Variants in ELAVL2 observed in about 807,000 individuals in gnomAD.
The protein encoded by ELAVL2 is ELAV-like protein 2.
Under a neutral mutation model 34.6 loss-of-function variants are expected in ELAVL2, and 4 were observed. The observed-to-expected ratio is 0.12, with a 90% CI of 0.06 to 0.26. The LOEUF (loss-of-function observed/expected upper bound fraction) is 0.26. Ranked by LOEUF, ELAVL2 falls within the 10% of genes least tolerant of loss-of-function variation. The pLI is 1.00. For missense variants in ELAVL2, 432 were observed against 442.8 expected, an observed-to-expected ratio of 0.98 and a Z score of 0.22; for synonymous variants, 193 against 154.8, an observed-to-expected ratio of 1.25 and a Z score of -1.83.
intron 1 of ELAVL2, among the ~76,000 whole-genome samples, chr9:23,787,569 A>C (rs2059846991): frequency 6.7e-6 from 1 of 149,288 alleles, no homozygotes; most frequent in Non-Finnish European, 1.5e-5. Flanking sequence ...AGGCTTAAAA[A>C]AACAAAAAAA....
the ELAVL2 span, among the ~76,000 whole-genome samples, chr9:23,846,895 A>T: frequency 2.6e-5 from 4 of 151,872 alleles, no homozygotes; most frequent in Non-Finnish European, 1.5e-5. Context: ...TTTGATTGTC[A>T]TTTTGTTTGA....
At chr9:23,704,831 G>A (rs2038770830) in intron 4 of ELAVL2, 87 bp downstream of exon 4, 1 of 1,538,656 alleles carries the variant, frequency 6.5e-7, no homozygotes, top group Non-Finnish European at 8.8e-7. Context: ...TGTTCTAGAA[G>A]CAAGACTGCT....
At chr9:23,808,437 A>C (rs1216879318) in intron 1 of ELAVL2, among the ~76,000 whole-genome samples, 1 of 152,144 alleles carries the variant, frequency 6.6e-6, no homozygotes, top group African/African-American at 2.4e-5. Context: ...GAAAATCTGC[A>C]CAGGAAACCA....
At chr9:23,845,308 A>G in the ELAVL2 span, among the ~76,000 whole-genome samples, 1 of 151,818 alleles carries the variant, frequency 6.6e-6, no homozygotes, top group East Asian at 1.9e-4. Flanking sequence ...ATGGAAAGAA[A>G]AATTGTATAG....
intron 1 of ELAVL2, among the ~76,000 whole-genome samples, chr9:23,800,375 C>T (rs928060599): frequency 5.3e-5 from 8 of 152,154 alleles, no homozygotes; most frequent in Non-Finnish European, 7.3e-5. Flanking sequence ...GGCCTAAGTG[C>T]ACCCTTCACA....
At position 23,701,442 on chromosome 9, in the gene ELAVL2, T is replaced by C; in HGVS notation, c.650A>G (p.Gln217Arg). 6.2e-7 allele frequency: 1 copy of C among 1,614,124 alleles called. No individual in the cohort carries two copies. The highest frequency in any genetic ancestry group is 8.5e-7 in the Non-Finnish European group (1 of 1,180,006). Residue 217 changes from glutamine to arginine, a missense_variant, in exon 5 of 7, where the codon CAG becomes CGG. By Grantham distance (43) the Gln-to-Arg change is conservative (BLOSUM62 1). Around this residue, in one of 3 missense-constraint regions of ELAVL2, gnomAD observed 295 missense variants for 306.1 expected, o/e 0.96. Coordinates refer to ENST00000397312, the MANE Select transcript of ELAVL2 (RefSeq NM_004432.5). ...CCTTCTGTTTGGAGACTGGTACAGC[T>C]GGGAAAGGATGGCCTGATTGGTTTT... ...SQKTNQAILSQLYQSPNRRYP... is the reference protein window; with the variant it reads ...SQKTNQAILSRLYQSPNRRYP...
At position 23,701,538 on chromosome 9, in the gene ELAVL2, C is replaced by T. The variant is rs758305724; in HGVS notation, c.554G>A (p.Gly185Asp). The change falls in exon 5 of 7, where the codon GGC becomes GAC. Residue 185 changes from glycine to aspartate, a missense_variant. Physicochemically the swap from Gly to Asp is moderately conservative, Grantham distance 94. Around this residue, in one of 3 missense-constraint regions of ELAVL2, gnomAD observed 295 missense variants for 306.1 expected, o/e 0.96. Coordinates refer to ENST00000397312, the MANE Select transcript of ELAVL2 (RefSeq NM_004432.5). ...ACCGGGAGGTTTCTGGCCATTTAGG[C>T]CTTTGATAGCTTCTTCTGCCTCAAT... The part of the protein sequence containing the change: ...KRIEAEEAIK[G>D]LNGQKPPGAT... The T allele has an allele frequency of 1.9e-6, 3 of 1,614,050 alleles. No individual in the cohort carries two copies. The highest frequency in any genetic ancestry group is 1.1e-5 in the South Asian group (1 of 91,076).
At chr9:23,707,393 C>G (rs529967029) in intron 3 of ELAVL2, among the ~76,000 whole-genome samples, 5 of 152,102 alleles carry the variant, frequency 3.3e-5, no homozygotes, top group African/African-American at 1.2e-4. Flanking sequence ...GCTTTTTTTT[C>G]CACAGGAGGG....
At chr9:23,778,632 G>A (rs1309292145) in intron 1 of ELAVL2, among the ~76,000 whole-genome samples, 2 of 152,082 alleles carry the variant, frequency 1.3e-5, no homozygotes, top group East Asian at 3.9e-4. Context: ...TGTCAAATGT[G>A]CTAAAGAGTA....
At chr9:23,778,420 A>G (rs1219667514) in intron 1 of ELAVL2, among the ~76,000 whole-genome samples, 3 of 152,186 alleles carry the variant, frequency 2.0e-5, no homozygotes, top group Non-Finnish European at 2.9e-5. Context: ...AATTTCACCA[A>G]TGTAACAATT....
At chr9:23,815,448 T>A (rs1002197323) in intron 1 of ELAVL2, among the ~76,000 whole-genome samples, 1 of 152,086 alleles carries the variant, frequency 6.6e-6, no homozygotes, top group Non-Finnish European at 1.5e-5. Context: ...ATGGCAGAAA[T>A]AAACATATGA....
intron 1 of ELAVL2, among the ~76,000 whole-genome samples, chr9:23,798,121 C>T (rs1208248449): frequency 6.6e-6 from 1 of 152,138 alleles, no homozygotes; most frequent in African/African-American, 2.4e-5. Flanking sequence ...AACCTTCAGG[C>T]AGGATGACAG....
intron 1 of ELAVL2, among the ~76,000 whole-genome samples, chr9:23,764,511 T>C (rs1423032817): frequency 1.3e-5 from 2 of 152,196 alleles, no homozygotes; most frequent in Non-Finnish European, 2.9e-5. Flanking sequence ...AAATAATGCA[T>C]ATTCCATTGA....
rs141293332 is a variant in ELAVL2 at position 23,816,095 on chromosome 9, G to A, written c.-16+9711C>T. 3.0e-3 allele frequency among the ~76,000 whole-genome samples: 458 copies of A among 152,022 alleles called. 3 individuals are homozygous for A. Among genetic ancestry groups the A allele is most frequent in the East Asian group, 0.016 (81 of 5,162 alleles). On this transcript the variant is annotated intron_variant, in intron 1 of 6. Coordinates refer to ENST00000397312, the MANE Select transcript of ELAVL2 (RefSeq NM_004432.5). ...TCCAAAGTGCAAAATACTAAAAACT[G>A]TATGGAAATTTCTTATTTGTATATA...
At chr9:23,719,624 G>T (rs900550808) in intron 3 of ELAVL2, among the ~76,000 whole-genome samples, 1 of 152,032 alleles carries the variant, frequency 6.6e-6, no homozygotes, top group Non-Finnish European at 1.5e-5. Flanking sequence ...TCTAAATTAA[G>T]TTTGCATATA....
At chr9:23,805,229 AAAAGAAATATGGCT>A (rs2062059215) in intron 1 of ELAVL2, among the ~76,000 whole-genome samples, 1 of 152,236 alleles carries the variant, frequency 6.6e-6, no homozygotes, top group Non-Finnish European at 1.5e-5. Flanking sequence ...ACATCTCCGT[AAAAGAAATATGGCT>A]AAATGGCTAT....
chr9:23,704,025 G>T (rs575096946), intron 4 of ELAVL2, among the ~76,000 whole-genome samples: 1 of 152,024 alleles, frequency 6.6e-6, no homozygotes, highest in East Asian at 1.9e-4. Context: ...CTCCGCCTCT[G>T]GGGTTCAAGT....
chr9:23,767,136 C>T (rs940135817), intron 1 of ELAVL2, among the ~76,000 whole-genome samples: 2 of 152,052 alleles, frequency 1.3e-5, no homozygotes, highest in Non-Finnish European at 2.9e-5. Context: ...ATGGTGAAAG[C>T]GTAGGTTTTA....
intron 4 of ELAVL2, among the ~76,000 whole-genome samples, chr9:23,702,925 G>A (rs2037796780): frequency 1.2e-5 from 1 of 86,662 alleles, no homozygotes. Flanking sequence ...GAATTTAGCT[G>A]TTCCATTAGA....
Sources: allele counts gnomAD v4.1 joint callset (sites outside exome capture counted in the v4.1 genomes callset), GRCh38; gene constraint gnomAD v4.1.1; regional missense constraint gnomAD v4.1.1; transcripts MANE v1.5; gene names NCBI Gene and HGNC (gene_info 2026-07-23, HGNC 2026-07-21).